Variants in PDE8B observed in about 807,000 individuals in gnomAD.
The protein encoded by PDE8B is high affinity cAMP-specific and IBMX-insensitive 3',5'-cyclic phosphodiesterase 8B.
Under a neutral mutation model 101.3 loss-of-function variants are expected in PDE8B, and 26 were observed. That is an observed-to-expected ratio of 0.26 (90% CI 0.19 to 0.36). The LOEUF is 0.36. PDE8B is among the 10% of genes least tolerant of loss of function. PDE8B has a pLI of 1.00. For missense variants in PDE8B, 810 were observed against 1,163.1 expected (o/e 0.70, Z 4.42); for synonymous variants, 424 against 429.3 (o/e 0.99, Z 0.15).
chr5:77,279,540 C>T (rs1046535927), intron 1 of PDE8B, among the ~76,000 whole-genome samples: 4 of 152,270 alleles, frequency 2.6e-5, no homozygotes, highest in Non-Finnish European at 4.4e-5. Context: ...TAAAAGCCAA[C>T]GCTTATTGAG....
In PDE8B at chr5:77,394,386, T is replaced by C. The variant is rs145488521; in HGVS notation, c.1168-5862T>C. On this transcript the variant is annotated intron_variant, in intron 10 of 21. Transcript: ENST00000264917. Reference sequence around the variant, plus strand: ...TCGCACTCTTCAGGTAGCAAGATCCTATATAAACCATTTCCATTTTATCAT... The same window carrying C: ...TCGCACTCTTCAGGTAGCAAGATCCCATATAAACCATTTCCATTTTATCAT... 1.8e-3 allele frequency among the ~76,000 whole-genome samples: 272 copies of C among 152,332 alleles called. 4 individuals are homozygous for C. Among genetic ancestry groups the C allele is most frequent in the African/African-American group, 6.4e-3 (264 of 41,572 alleles).
intron 1 of PDE8B, among the ~76,000 whole-genome samples, chr5:77,217,847 T>C (rs1171524041): frequency 2.0e-5 from 3 of 152,202 alleles, no homozygotes; most frequent in African/African-American, 7.2e-5. Context: ...AAAACACTAC[T>C]TTTCAACAAG....
At position 77,259,068 on chromosome 5, in the gene PDE8B, A is replaced by ACC. The variant is rs1491575842; in HGVS notation, c.339+47808_339+47809dup. 2.9e-3 allele frequency among the ~76,000 whole-genome samples: 118 copies of ACC among 41,138 alleles called. 2 individuals are homozygous for ACC. Among genetic ancestry groups the ACC allele is most frequent in the South Asian group, 9.2e-3 (7 of 764 alleles). The allele number at this position is 41,138 out of a possible 152,430, so 27.0% of individuals were successfully genotyped here. A position where few individuals can be genotyped will look rare whatever the true frequency, so the allele number is the denominator to read the frequency against. ...CACACAGACACACACACACACACAC[A>ACC]CCCCCGCCCCCCCCCCACACACACA... On this transcript the variant is annotated intron_variant, in intron 1 of 21. Coordinates refer to ENST00000264917, the MANE Select transcript of PDE8B (RefSeq NM_003719.5).
intron 1 of PDE8B, among the ~76,000 whole-genome samples, chr5:77,240,184 C>T (rs1363725838): frequency 1.3e-5 from 2 of 149,794 alleles, no homozygotes; most frequent in Non-Finnish European, 2.9e-5. Context: ...GATGGAGTCT[C>T]GCTCTATTGC....
intron 6 of PDE8B, among the ~76,000 whole-genome samples, chr5:77,340,275 C>G (rs929077062): frequency 1.3e-5 from 2 of 152,216 alleles, no homozygotes; most frequent in South Asian, 4.1e-4. Context: ...TTTTGGTGGG[C>G]AAAACTCTGT....
intron 6 of PDE8B, among the ~76,000 whole-genome samples, chr5:77,344,117 A>G (rs1368850018): frequency 6.6e-6 from 1 of 152,204 alleles, no homozygotes; most frequent in Non-Finnish European, 1.5e-5. Flanking sequence ...AACTTTTCTT[A>G]GTAGTAGAAG....
At chr5:77,282,025 TA>T (rs2149855510) in intron 1 of PDE8B, among the ~76,000 whole-genome samples, 1 of 152,276 alleles carries the variant, frequency 6.6e-6, no homozygotes, top group African/African-American at 2.4e-5. Flanking sequence ...CTATCCCATT[TA>T]ACAGTCACGT....
At chr5:77,398,664 GAC>G (rs1294480829) in intron 10 of PDE8B, among the ~76,000 whole-genome samples, 1 of 152,212 alleles carries the variant, frequency 6.6e-6, no homozygotes, top group Non-Finnish European at 1.5e-5. Flanking sequence ...CTCCCGCTAA[GAC>G]ACAGTCATCT....
chr5:77,283,893 G>A (rs1307950712), intron 1 of PDE8B, among the ~76,000 whole-genome samples: 1 of 152,164 alleles, frequency 6.6e-6, no homozygotes, highest in Non-Finnish European at 1.5e-5. Context: ...AGTATGTTTA[G>A]TTTTGTAGGA....
At chr5:77,131,733 A>G in the PDE8B span, among the ~76,000 whole-genome samples, 1 of 152,198 alleles carries the variant, frequency 6.6e-6, no homozygotes, top group African/African-American at 2.4e-5. Context: ...TGTTCACATA[A>G]GGGGAAATAT....
the PDE8B span, chr5:77,165,234 G>A: frequency 6.6e-6 from 1 of 152,080 alleles, no homozygotes; most frequent in African/African-American, 2.4e-5. Flanking sequence ...GGAAGTGATG[G>A]GGTTTAAGTA....
chr5:77,097,828 T>TAATACTAC, the PDE8B span, among the ~76,000 whole-genome samples: 1 of 146,158 alleles, frequency 6.8e-6, no homozygotes, highest in African/African-American at 2.5e-5. Context: ...GTCTTAATCC[T>TAATACTAC]AATACTACAG....
At chr5:77,107,076 A>C in the PDE8B span, among the ~76,000 whole-genome samples, 1 of 151,048 alleles carries the variant, frequency 6.6e-6, no homozygotes, top group African/African-American at 2.4e-5. Context: ...GACAGGCCCC[A>C]GTGTGTGATA....
At chr5:77,400,431 G>A in intron 11 of PDE8B, 141 bp downstream of exon 11, 1 of 700,248 alleles carries the variant, frequency 1.4e-6, no homozygotes, top group Non-Finnish European at 2.6e-6. Flanking sequence ...ATATCACAAG[G>A]TTGGCAAGCC....
intron 10 of PDE8B, among the ~76,000 whole-genome samples, chr5:77,374,029 T>C (rs1298720954): frequency 1.3e-5 from 2 of 152,098 alleles, no homozygotes; most frequent in Non-Finnish European, 2.9e-5. Flanking sequence ...TTTGTGTTTT[T>C]AGTAGAGACT....
intron 5 of PDE8B, among the ~76,000 whole-genome samples, chr5:77,336,697 GTATT>G (rs1778264761): frequency 6.6e-6 from 1 of 152,204 alleles, no homozygotes; most frequent in Admixed American, 6.5e-5. Flanking sequence ...ACATGTATGA[GTATT>G]TATTTGAGTA....
At chr5:77,259,095 A>G (rs1233021246) in intron 1 of PDE8B, among the ~76,000 whole-genome samples, 1 of 58,380 alleles carries the variant, frequency 1.7e-5, no homozygotes, top group Non-Finnish European at 3.0e-5. Flanking sequence ...ACACACACAC[A>G]CGAATGTTTC....
At chr5:77,364,222 C>T (rs530228515) in intron 10 of PDE8B, among the ~76,000 whole-genome samples, 1 of 152,204 alleles carries the variant, frequency 6.6e-6, no homozygotes, top group Non-Finnish European at 1.5e-5. Flanking sequence ...AATGTCAGCT[C>T]TGACTGCAGC....
chr5:77,205,582 AT>A (rs1747433427), upstream of PDE8B, among the ~76,000 whole-genome samples: 3 of 152,322 alleles, frequency 2.0e-5, no homozygotes, highest in African/African-American at 4.8e-5. Flanking sequence ...GGAAAAAAAA[AT>A]CAATGGAAAT....
Sources: gnomAD v4.1 joint callset for allele counts (sites outside exome capture counted in the v4.1 genomes callset) on GRCh38, gnomAD v4.1.1 for gene constraint, MANE v1.5 for transcripts, NCBI Gene and HGNC (gene_info 2026-07-23, HGNC 2026-07-21) for gene names.